The following ARHGEF38 variants were observed in gnomAD, a reference collection of about 807,000 sequenced individuals.
ARHGEF38 encodes Rho guanine nucleotide exchange factor 38.
ARHGEF38 carries 79 observed loss-of-function variants against 79.9 expected under a neutral mutation model. The ratio of observed to expected loss-of-function variants is 0.99; its 90% CI spans 0.82 to 1.19. The LOEUF is 1.19. ARHGEF38 is among the 50% of genes most tolerant of loss of function. The pLI is 0.00. For synonymous variants in ARHGEF38, 366 were observed against 328.3 expected (o/e 1.11, Z -1.24); for missense variants, 962 against 907.2 (o/e 1.06, Z -0.78).
chr4:105,598,330 G>T (rs186163561), intron 2 of ARHGEF38, among the ~76,000 whole-genome samples: 1 of 152,024 alleles, frequency 6.6e-6, no homozygotes, highest in African/African-American at 2.4e-5. Flanking sequence ...ATCCAAACCA[G>T]GCTGATAATT....
intron 1 of ARHGEF38, among the ~76,000 whole-genome samples, chr4:105,586,825 G>A (rs967813748): frequency 1.3e-5 from 2 of 152,072 alleles, no homozygotes; most frequent in South Asian, 2.1e-4. Context: ...GCTCTCTTAC[G>A]CATGAGATTT....
chr4:105,679,815 G>T lies in ARHGEF38; in HGVS notation c.*1878G>T. 1.6e-6 allele frequency: 2 copies of T among 1,218,634 alleles called. No homozygotes were observed. Among genetic ancestry groups the T allele is most frequent in the South Asian group, 2.4e-5 (2 of 82,526 alleles). 75.5% of individuals were successfully genotyped at this position (1,218,634 alleles called of 1,614,324 possible). ...GCTTTACCCACGCATCCAGAGAGAT[G>T]GATATAGGACTCAATATCCTGAGGA... On this transcript the variant is annotated 3_prime_UTR_variant, in exon 14 of 14. Coordinates refer to ENST00000420470, the MANE Select transcript of ARHGEF38 (RefSeq NM_001242729.2).
intron 9 of ARHGEF38, among the ~76,000 whole-genome samples, chr4:105,656,391 A>G (rs1215282215): frequency 6.6e-6 from 1 of 152,198 alleles, no homozygotes; most frequent in Non-Finnish European, 1.5e-5. Flanking sequence ...TTAACATGCT[A>G]TATACTGGAA....
At chr4:105,642,358 A>G (rs920527189) in intron 5 of ARHGEF38, among the ~76,000 whole-genome samples, 1 of 152,118 alleles carries the variant, frequency 6.6e-6, no homozygotes, top group Non-Finnish European at 1.5e-5. Context: ...TAGGATTTGT[A>G]TTTATGACTT....
chr4:105,666,388 T>C lies in ARHGEF38; in HGVS notation c.1689+68T>C, dbSNP rs1052249441. 8 of 1,405,454 alleles carry C rather than the reference T, an allele frequency of 5.7e-6. No homozygotes were observed. The African/African-American group carries it at 8.7e-5, about 15-fold the overall frequency. The allele number at this position is 1,405,454 out of a possible 1,614,324, so 87.1% of individuals were successfully genotyped here. ...TTGCCTTATCCAAGTTGTAGTATCA[T>C]ATTATTTTCCAGATCACTTATCTCA... is the stretch of plus-strand genomic sequence containing the variant. On this transcript the variant is annotated intron_variant, in intron 11 of 13. Transcript: ENST00000420470.
At chr4:105,571,347 G>T (rs1578265097) in intron 1 of ARHGEF38, among the ~76,000 whole-genome samples, 1 of 124,942 alleles carries the variant, frequency 8.0e-6, no homozygotes, top group South Asian at 2.5e-4. Context: ...TTTTGAGACG[G>T]AGTCTCACTC....
chr4:105,580,272 G>C (rs1046699084), intron 1 of ARHGEF38, among the ~76,000 whole-genome samples: 1 of 152,116 alleles, frequency 6.6e-6, no homozygotes, highest in Non-Finnish European at 1.5e-5. Context: ...AGGTTGGTTT[G>C]CTCTTCCTTC....
At chr4:105,676,308 C>T (rs1234857888) in intron 13 of ARHGEF38, among the ~76,000 whole-genome samples, 2 of 152,122 alleles carry the variant, frequency 1.3e-5, no homozygotes, top group Admixed American at 1.3e-4. Flanking sequence ...CTTTTGTCAG[C>T]TTTGTCATTT....
intron 2 of ARHGEF38, among the ~76,000 whole-genome samples, chr4:105,596,637 A>T (rs181246757): frequency 2.0e-5 from 3 of 152,370 alleles, no homozygotes; most frequent in Non-Finnish European, 4.4e-5. Context: ...CTGCTAAAGT[A>T]TTCAGTGAAA....
At position 105,679,682 on chromosome 4, in the gene ARHGEF38, T is replaced by C. The variant is rs762534760; in HGVS notation, c.*1745T>C. On this transcript the variant is annotated 3_prime_UTR_variant, in exon 14 of 14. Coordinates refer to ENST00000420470, the MANE Select transcript of ARHGEF38 (RefSeq NM_001242729.2). ...CTTTTAAATTTAACTAAATCCATTG[T>C]AGAAGGAACACCTACACATTTAAAA... 4.4e-5 allele frequency: 35 copies of C among 792,948 alleles called. No homozygotes were observed. Among genetic ancestry groups the C allele is most frequent in the Non-Finnish European group, 6.6e-5 (29 of 436,424 alleles). The allele number at this position is 792,948 out of a possible 1,614,324, so 49.1% of individuals were successfully genotyped here. A position where few individuals can be genotyped will look rare whatever the true frequency, so the allele number is the denominator to read the frequency against.
chr4:105,634,140 G>C (rs1729306659), intron 4 of ARHGEF38, among the ~76,000 whole-genome samples: 3 of 152,270 alleles, frequency 2.0e-5, no homozygotes, highest in Admixed American at 2.0e-4. Flanking sequence ...TGGTGGTCCA[G>C]TTCAGGGTCT....
intron 1 of ARHGEF38, among the ~76,000 whole-genome samples, chr4:105,587,935 G>A (rs73837036): frequency 9.9e-5 from 15 of 152,140 alleles, no homozygotes; most frequent in East Asian, 1.9e-4. Context: ...ACCTAGTATA[G>A]CTTCCAAACT....
rs768671889 is a variant in ARHGEF38, at chr4:105,667,613, T to A, written c.2058T>A (p.Ile686=). The A allele has an allele frequency of 2.0e-6, 3 of 1,536,698 alleles. No individual in the cohort carries two copies. The South Asian group carries it at 3.6e-5, about 18-fold the overall frequency. ...DSVTGTSESS[I]GDSSSSLSGT... is the part of the protein sequence containing the mutation. ...TCACAGGCACCTCAGAAAGCAGCATTGGTGATAGCAGCTCATCTCTTAGTG... is the reference window on the plus strand; with the variant it reads ...TCACAGGCACCTCAGAAAGCAGCATAGGTGATAGCAGCTCATCTCTTAGTG... Residue 686 remains isoleucine (I), a synonymous_variant, in exon 13 of 14, where the codon ATT becomes ATA. Coordinates refer to ENST00000420470, the MANE Select transcript of ARHGEF38 (RefSeq NM_001242729.2).
At chr4:105,633,888 A>C (rs751495549) in intron 4 of ARHGEF38, among the ~76,000 whole-genome samples, 4 of 152,200 alleles carry the variant, frequency 2.6e-5, no homozygotes, top group Admixed American at 6.5e-5. Context: ...GCTGCAGTTC[A>C]AGACTAATTC....
chr4:105,605,164 G>A (rs1462729707), intron 2 of ARHGEF38, among the ~76,000 whole-genome samples: 2 of 152,110 alleles, frequency 1.3e-5, no homozygotes, highest in East Asian at 3.9e-4. Context: ...TCAAGGCAGA[G>A]AAGAGAAACA....
intron 2 of ARHGEF38, among the ~76,000 whole-genome samples, chr4:105,603,221 T>C (rs1480101364): frequency 6.6e-6 from 1 of 152,136 alleles, no homozygotes; most frequent in African/African-American, 2.4e-5. Flanking sequence ...TATTAGTTAA[T>C]ATAATCCTCC....
chr4:105,631,292 C>A, intron 4 of ARHGEF38: 1 of 1,124,624 alleles, frequency 8.9e-7, no homozygotes, highest in South Asian at 3.9e-5. Context: ...TTGAAAAATG[C>A]AATATCAAAA....
At chr4:105,628,625 T>C (rs1278904167) in intron 3 of ARHGEF38, among the ~76,000 whole-genome samples, 3 of 152,270 alleles carry the variant, frequency 2.0e-5, no homozygotes, top group Admixed American at 1.3e-4. Context: ...GCTCCAAAGA[T>C]GCTCACAGTT....
chr4:105,666,054 C>G, intron 10 of ARHGEF38, 123 bp from the exon 11 acceptor site: 1 of 759,498 alleles, frequency 1.3e-6, no homozygotes, highest in Non-Finnish European at 1.8e-6. Flanking sequence ...CTAAAGTTGC[C>G]CTAACTTTTC....
Sources: allele counts gnomAD v4.1 joint callset (sites outside exome capture counted in the v4.1 genomes callset), GRCh38; gene constraint gnomAD v4.1.1; transcripts MANE v1.5; gene names NCBI Gene and HGNC (gene_info 2026-07-23, HGNC 2026-07-21).